The following TMX4 variants were observed in gnomAD, a reference collection of about 807,000 sequenced individuals.
The protein encoded by TMX4 is thioredoxin related transmembrane protein 4.
TMX4 carries 23 observed loss-of-function variants against 33.3 expected under a neutral mutation model. The ratio of observed to expected loss-of-function variants is 0.69; its 90% CI spans 0.50 to 0.98. The LOEUF (loss-of-function observed/expected upper bound fraction) is 0.98. Among genes scored for constraint, TMX4 ranks in the 50% least tolerant of loss-of-function variants. The pLI is 0.00. For synonymous variants in TMX4, 164 were observed against 161.5 expected (o/e 1.02, Z -0.12); for missense variants, 399 against 448.9 (o/e 0.89, Z 1.01).
At chr20:8,004,342 G>A (rs2050718932) in intron 2 of TMX4, among the ~76,000 whole-genome samples, 1 of 152,168 alleles carries the variant, frequency 6.6e-6, no homozygotes, top group Admixed American at 6.5e-5. Context: ...GTTAAATGTG[G>A]ATCTTGACAA....
At chr20:8,001,472 G>T in intron 3 of TMX4, 24 bp downstream of exon 3, 2 of 1,573,392 alleles carry the variant, frequency 1.3e-6, no homozygotes, top group Non-Finnish European at 1.7e-6. Context: ...ATATTTGCAA[G>T]ATTAGAAGAT....
At chr20:7,988,405 TA>T (rs1424473020) in intron 5 of TMX4, among the ~76,000 whole-genome samples, 1 of 152,178 alleles carries the variant, frequency 6.6e-6, no homozygotes, top group Non-Finnish European at 1.5e-5. Flanking sequence ...TCAATGCAAT[TA>T]AAAAACATAT....
At chr20:8,002,584 AT>A (rs1342737619) in intron 2 of TMX4, among the ~76,000 whole-genome samples, 1 of 152,178 alleles carries the variant, frequency 6.6e-6, no homozygotes, top group African/African-American at 2.4e-5. Flanking sequence ...TCATTTTAAC[AT>A]TTTCCATCAC....
chr20:8,008,218 G>A (rs969615686), intron 2 of TMX4, among the ~76,000 whole-genome samples: 12 of 152,124 alleles, frequency 7.9e-5, no homozygotes, highest in Non-Finnish European at 1.5e-4. Context: ...TTATTTATGA[G>A]TTGCACTTTT....
At chr20:7,983,906 C>A (rs757744581) in intron 6 of TMX4, 49 bp from the exon 7 acceptor site, 2 of 1,437,784 alleles carry the variant, frequency 1.4e-6, no homozygotes, top group Non-Finnish European at 1.9e-6. Context: ...ACATTTATTA[C>A]CAAAGGACCT....
In TMX4 at chr20:7,979,652, T is replaced by A. The variant is rs144931301; in HGVS notation, c.*2599A>T. 1,349 of 149,976 alleles carry A rather than the reference T, an allele frequency of 9.0e-3. 44 individuals carry two copies. The highest frequency in any genetic ancestry group is 0.066 in the East Asian group (333 of 5,066). The allele number at this position is 149,976 out of a possible 1,614,324, so 9.3% of individuals were successfully genotyped here. On this transcript the variant is annotated 3_prime_UTR_variant, in exon 8 of 8. Transcript: ENST00000246024. Reference sequence around the variant, plus strand: ...TACCTGGGAGGCTGAGGCAGGAGAATCCCTTGAACTAGGGAGGCGGAGGTT... The same window carrying A: ...TACCTGGGAGGCTGAGGCAGGAGAAACCCTTGAACTAGGGAGGCGGAGGTT...
intron 1 of TMX4, among the ~76,000 whole-genome samples, chr20:8,015,442 A>G (rs1047019662): frequency 6.6e-6 from 1 of 152,232 alleles, no homozygotes; most frequent in African/African-American, 2.4e-5. Context: ...CAAAATGCCA[A>G]TAGTGTCCTG....
chr20:8,006,343 G>A (rs974317169), intron 2 of TMX4, among the ~76,000 whole-genome samples: 1 of 152,182 alleles, frequency 6.6e-6, no homozygotes, highest in Non-Finnish European at 1.5e-5. Flanking sequence ...AATAACTAAA[G>A]AGTATGCATG....
At chr20:8,012,976 A>G (rs996933840) in intron 1 of TMX4, among the ~76,000 whole-genome samples, 2 of 152,126 alleles carry the variant, frequency 1.3e-5, no homozygotes, top group Non-Finnish European at 2.9e-5. Context: ...TAGCATGGGA[A>G]CTGGTCCATT....
chr20:8,010,013 ATATG>A (rs1196321863), intron 2 of TMX4, among the ~76,000 whole-genome samples, 183 bp downstream of exon 2: 2 of 152,142 alleles, frequency 1.3e-5, no homozygotes, highest in Non-Finnish European at 2.9e-5. Flanking sequence ...ATATATGCAA[ATATG>A]TATGTGCAAA....
chr20:8,002,845 C>T (rs1338290032), intron 2 of TMX4, among the ~76,000 whole-genome samples: 1 of 152,108 alleles, frequency 6.6e-6, no homozygotes, highest in Non-Finnish European at 1.5e-5. Flanking sequence ...GATTCCAAAA[C>T]ATCTCAATTG....
intron 7 of TMX4, 152 bp from the exon 8 acceptor site, chr20:7,982,773 G>A: frequency 1.1e-6 from 1 of 878,246 alleles, no homozygotes; most frequent in Non-Finnish European, 1.7e-6. Context: ...TCTCTGGTTG[G>A]CATCCTAGCC....
At chr20:8,003,752 G>C (rs1482490493) in intron 2 of TMX4, among the ~76,000 whole-genome samples, 2 of 152,088 alleles carry the variant, frequency 1.3e-5, no homozygotes, top group Non-Finnish European at 1.5e-5. Flanking sequence ...AAAATTGCTA[G>C]ATTAAAGGGT....
rs752400000 is a variant in TMX4, at chr20:7,977,574, T to C, written c.*4677A>G. 6.6e-6 allele frequency: 1 copy of C among 152,214 alleles called. No homozygotes were observed. The highest frequency in any genetic ancestry group is 1.5e-5 in the Non-Finnish European group (1 of 68,040). 9.4% of individuals were successfully genotyped at this position (152,214 alleles called of 1,614,324 possible). A position where few individuals can be genotyped will look rare whatever the true frequency, so the allele number is the denominator to read the frequency against. ...ATCAAGTGATTTGTGATTCAGGCAA[T>C]GTACTACTTGAAACACATATCTGGA... On this transcript the variant is annotated 3_prime_UTR_variant, in exon 8 of 8. Coordinates refer to ENST00000246024, the MANE Select transcript of TMX4 (RefSeq NM_021156.4).
intron 5 of TMX4, among the ~76,000 whole-genome samples, chr20:7,995,160 G>T (rs1020421350): frequency 6.6e-5 from 10 of 152,120 alleles, no homozygotes; most frequent in African/African-American, 2.4e-4. Context: ...ATGAGAAACA[G>T]AAAAAGAGTC....
chr20:7,984,771 GA>G, intron 6 of TMX4, among the ~76,000 whole-genome samples: 1 of 151,654 alleles, frequency 6.6e-6, no homozygotes, highest in South Asian at 2.1e-4. Context: ...TTCTATTCTG[GA>G]AAATTGTACA....
rs2050599580 is a variant in TMX4, at chr20:7,980,293, CCATT to C, written c.*1954_*1957del. On this transcript the variant is annotated 3_prime_UTR_variant, in exon 8 of 8. Transcript: ENST00000246024. ...TATATAGAAAAGCCAAACTATGAAA[CCATT>C]CTTATTCCATAATACCTCTGAACCT... 1 of 152,192 alleles carries C rather than the reference CCATT, an allele frequency of 6.6e-6. No individual in the cohort carries two copies. 9.4% of individuals were successfully genotyped at this position (152,192 alleles called of 1,614,324 possible).
chr20:7,992,017 A>G (rs2050657293), intron 5 of TMX4, among the ~76,000 whole-genome samples: 1 of 152,242 alleles, frequency 6.6e-6, no homozygotes, highest in Admixed American at 6.5e-5. Context: ...TTCTAATCCT[A>G]ACTATGCCAC....
chr20:7,984,491 A>G (rs1157633873), intron 6 of TMX4, among the ~76,000 whole-genome samples: 1 of 152,224 alleles, frequency 6.6e-6, no homozygotes, highest in Non-Finnish European at 1.5e-5. Context: ...GCTCTAAGCC[A>G]TTAAATCAAT....
Sources: gnomAD v4.1 joint callset for allele counts (sites outside exome capture counted in the v4.1 genomes callset) on GRCh38, gnomAD v4.1.1 for gene constraint, MANE v1.5 for transcripts, NCBI Gene and HGNC (gene_info 2026-07-23, HGNC 2026-07-21) for gene names.